The following ADAM19 variants were observed in gnomAD, a reference collection of about 807,000 sequenced individuals.
ADAM19 encodes ADAM metallopeptidase domain 19, also known as disintegrin and metalloproteinase domain-containing protein 19.
In ADAM19, 65 loss-of-function variants were observed where a neutral mutation model predicts 114.7. That is an observed-to-expected ratio of 0.57 (90% CI 0.46 to 0.70). The LOEUF is 0.70. Ranked by LOEUF, ADAM19 falls within the 30% of genes least tolerant of loss-of-function variation. The pLI is 0.00. For missense variants in ADAM19, 1,063 were observed against 1,204.7 expected (o/e 0.88, Z 1.74); for synonymous variants, 466 against 460.5 (o/e 1.01, Z -0.15).
chr5:157,521,050 C>G (rs1417274347), intron 5 of ADAM19, among the ~76,000 whole-genome samples: 2 of 152,188 alleles, frequency 1.3e-5, no homozygotes, highest in Non-Finnish European at 2.9e-5. Flanking sequence ...TGGAATAAGT[C>G]ACTCTAATGT....
At chr5:157,519,751 G>C (rs1304892451) in intron 6 of ADAM19, 88 bp downstream of exon 6, 2 of 1,268,384 alleles carry the variant, frequency 1.6e-6, no homozygotes, top group Non-Finnish European at 2.2e-6. Context: ...CTTCAATTTA[G>C]AAATACTCCT....
rs763581479 is a variant in ADAM19, at chr5:157,530,789, A to G, written c.407+18T>C. 1.2e-6 allele frequency: 2 copies of G among 1,611,602 alleles called. No individual in the cohort carries two copies. Among genetic ancestry groups the G allele is most frequent in the Middle Eastern group, 1.7e-4 (1 of 6,012 alleles). ...GGGGAGAGTGCCCGGTGCCACCTGC[A>G]GCCTCAGGGTCTCTTACCTAATTCC... On this transcript the variant is annotated intron_variant, in intron 5 of 22. Coordinates refer to ENST00000257527, the MANE Select transcript of ADAM19 (RefSeq NM_033274.5).
chr5:157,491,412 G>A (rs1325937381), intron 18 of ADAM19, among the ~76,000 whole-genome samples: 2 of 152,206 alleles, frequency 1.3e-5, no homozygotes, highest in African/African-American at 4.8e-5. Context: ...AGAAAGGATG[G>A]GAGAAGAGAG....
chr5:157,546,823 T>C (rs931809387), intron 3 of ADAM19, among the ~76,000 whole-genome samples: 1 of 152,130 alleles, frequency 6.6e-6, no homozygotes, highest in Non-Finnish European at 1.5e-5. Flanking sequence ...GAGCCACAAG[T>C]ACAGAAGTCA....
chr5:157,567,800 CAAA>C (rs112813107), intron 2 of ADAM19, among the ~76,000 whole-genome samples: 1 of 137,612 alleles, frequency 7.3e-6, no homozygotes. Context: ...TCCGTCTAAA[CAAA>C]AAAAAAAAAT....
chr5:157,535,599 C>T (rs1244207162), intron 4 of ADAM19, among the ~76,000 whole-genome samples: 1 of 152,216 alleles, frequency 6.6e-6, no homozygotes, highest in Non-Finnish European at 1.5e-5. Context: ...TCAACAAGAC[C>T]TTCTGGAAGG....
At chr5:157,534,328 C>A (rs1399976548) in intron 4 of ADAM19, among the ~76,000 whole-genome samples, 1 of 151,966 alleles carries the variant, frequency 6.6e-6, no homozygotes, top group African/African-American at 2.4e-5. Context: ...ATTAGCCAGG[C>A]GTGATGGCGG....
intron 3 of ADAM19, among the ~76,000 whole-genome samples, chr5:157,563,483 C>A (rs926099403): frequency 1.3e-5 from 2 of 152,210 alleles, no homozygotes; most frequent in African/African-American, 4.8e-5. Flanking sequence ...CTTCTTCATC[C>A]TTTTCTTGGC....
Position 157,537,984 on chromosome 5 carries a change from A to G in ADAM19, c.259T>C (p.Phe87Leu). ...ILDLEKNEQLFAPSYTETHYT... is the reference protein window; with the variant it reads ...ILDLEKNEQLLAPSYTETHYT... The stretch of plus-strand genomic sequence containing the variant: ...TGGGTTTCTGTGTAGGAAGGAGCAA[A>G]AAGTTGCCTGCAAAAAATAAAAAGA... Residue 87 changes from phenylalanine (F) to leucine (L), a missense_variant, in exon 4 of 23, where the codon TTT (phenylalanine) becomes CTT (leucine). Coordinates refer to ENST00000257527, the MANE Select transcript of ADAM19 (RefSeq NM_033274.5). The G allele has an allele frequency of 6.2e-7, 1 of 1,613,960 alleles. No individual in the cohort carries two copies. Among genetic ancestry groups the G allele is most frequent in the Non-Finnish European group, 8.5e-7 (1 of 1,179,854 alleles).
intron 5 of ADAM19, among the ~76,000 whole-genome samples, chr5:157,526,990 T>G (rs1352079779): frequency 6.6e-6 from 1 of 152,094 alleles, no homozygotes; most frequent in South Asian, 2.1e-4. Context: ...CCAAATAAGA[T>G]TACAGACATT....
intron 3 of ADAM19, among the ~76,000 whole-genome samples, chr5:157,538,366 C>G (rs1166863090): frequency 2.0e-5 from 3 of 152,204 alleles, no homozygotes; most frequent in Non-Finnish European, 2.9e-5. Context: ...AGCACTGGAT[C>G]TACCAATTTT....
In ADAM19 at chr5:157,479,863, T is replaced by C; in HGVS notation, c.*1086A>G. 1 of 985,532 alleles carries C rather than the reference T, an allele frequency of 1.0e-6. No homozygotes were observed. The highest frequency in any genetic ancestry group is 1.2e-6 in the Non-Finnish European group (1 of 829,972). The allele number at this position is 985,532 out of a possible 1,614,324, so 61.0% of individuals were successfully genotyped here. A position where few individuals can be genotyped will look rare whatever the true frequency, so the allele number is the denominator to read the frequency against. On this transcript the variant is annotated 3_prime_UTR_variant, in exon 23 of 23. Transcript: ENST00000257527. ...GTGTGTACTTTGTAAATAGCTGGGC[T>C]CCCTAAGGGGAAACCTCACCTAGAT...
chr5:157,517,871 T>C (rs1195323554), intron 7 of ADAM19, among the ~76,000 whole-genome samples: 2 of 152,220 alleles, frequency 1.3e-5, no homozygotes, highest in African/African-American at 2.4e-5. Context: ...GTTCTCAAAC[T>C]TGACTGTGCA....
rs116032267 is a variant in ADAM19, at chr5:157,526,030, G to A, written c.407+4777C>T. Among the ~76,000 whole-genome samples the A allele has an allele frequency of 6.8e-3, 1,034 of 152,060 alleles. 13 individuals carry two copies. The highest frequency in any genetic ancestry group is 0.024 in the African/African-American group (988 of 41,472). On this transcript the variant is annotated intron_variant, in intron 5 of 22. Transcript: ENST00000257527. Reference sequence around the variant, plus strand: ...AAACGTGCCAGACATTAGTACAAACGATATTATGCAACCATTAAAAGAATG... The same window carrying A: ...AAACGTGCCAGACATTAGTACAAACAATATTATGCAACCATTAAAAGAATG...
chr5:157,479,714 C>G lies in ADAM19; in HGVS notation c.*1235G>C. ...TTGAGGAAGAGGCTCCCTGCTCTGACTGTTCCAGTGCAGCTGCTGCTGGCT... is the reference window on the plus strand; with the variant it reads ...TTGAGGAAGAGGCTCCCTGCTCTGAGTGTTCCAGTGCAGCTGCTGCTGGCT... On this transcript the variant is annotated 3_prime_UTR_variant, in exon 23 of 23. Coordinates refer to ENST00000257527, the MANE Select transcript of ADAM19 (RefSeq NM_033274.5). 1 of 986,112 alleles carries G rather than the reference C, an allele frequency of 1.0e-6. No homozygotes were observed. The highest frequency in any genetic ancestry group is 1.7e-5 in the African/African-American group (1 of 57,352). The allele number at this position is 986,112 out of a possible 1,614,324, so 61.1% of individuals were successfully genotyped here.
At chr5:157,500,867 C>T (rs17054657) in intron 12 of ADAM19, among the ~76,000 whole-genome samples, 42,972 of 151,978 alleles carry the variant, frequency 0.28, 8,172 homozygotes, top group African/African-American at 0.54. Flanking sequence ...GAAAAGTGTA[C>T]GGGGCTCCAC....
At chr5:157,524,881 G>T (rs1351368717) in intron 5 of ADAM19, among the ~76,000 whole-genome samples, 2 of 152,198 alleles carry the variant, frequency 1.3e-5, no homozygotes, top group Non-Finnish European at 2.9e-5. Flanking sequence ...AACGGTCATT[G>T]ATTGTGTATT....
intron 3 of ADAM19, among the ~76,000 whole-genome samples, chr5:157,561,340 T>A (rs968440010): frequency 2.8e-4 from 42 of 152,242 alleles, no homozygotes; most frequent in African/African-American, 1.0e-3. Context: ...TCTCTCCATG[T>A]GTGAATTCCA....
intron 8 of ADAM19, among the ~76,000 whole-genome samples, chr5:157,511,091 T>C (rs190932547): frequency 6.6e-6 from 1 of 152,308 alleles, no homozygotes; most frequent in East Asian, 1.9e-4. Context: ...CTCATACAAA[T>C]ATAAGCAGGA....
Sources: allele counts gnomAD v4.1 joint callset (sites outside exome capture counted in the v4.1 genomes callset), GRCh38; gene constraint gnomAD v4.1.1; transcripts MANE v1.5; gene names NCBI Gene and HGNC (gene_info 2026-07-23, HGNC 2026-07-21).